The following BABAM2 variants were observed in gnomAD, a reference collection of about 807,000 sequenced individuals.
The protein encoded by BABAM2 is BRISC and BRCA1 A complex member 2, also known as BRISC and BRCA1-A complex member 2.
Under a neutral mutation model 54.7 loss-of-function variants are expected in BABAM2, and 31 were observed. That is an observed-to-expected ratio of 0.57 (90% CI 0.43 to 0.77). The LOEUF is 0.77. Among genes scored for constraint, BABAM2 ranks in the 30% least tolerant of loss-of-function variants. The probability of loss-of-function intolerance (pLI) is 0.00; values close to 1 mark genes in which losing one functional copy is unlikely to be tolerated. For synonymous variants in BABAM2, 167 were observed against 162.9 expected (o/e 1.03, Z -0.19); for missense variants, 364 against 455.8 (o/e 0.80, Z 1.83).
At chr2:27,922,674 T>C (rs1393032573) in intron 2 of BABAM2, among the ~76,000 whole-genome samples, 1 of 152,216 alleles carries the variant, frequency 6.6e-6, no homozygotes, top group Admixed American at 6.5e-5. Flanking sequence ...TCCAAAATCC[T>C]TTCTGTACTC....
At chr2:27,952,682 C>A (rs867261730) in intron 3 of BABAM2, among the ~76,000 whole-genome samples, 1 of 152,172 alleles carries the variant, frequency 6.6e-6, no homozygotes, top group African/African-American at 2.4e-5. Flanking sequence ...ATTATGGGTG[C>A]TCCAAATGTT....
At chr2:28,256,191 G>A (rs979799122) in intron 10 of BABAM2, among the ~76,000 whole-genome samples, 2 of 152,048 alleles carry the variant, frequency 1.3e-5, no homozygotes, top group African/African-American at 2.4e-5. Flanking sequence ...TAGCTTCTTT[G>A]TTAACACATT....
At chr2:28,097,517 T>A (rs759947026) in intron 6 of BABAM2, among the ~76,000 whole-genome samples, 1 of 152,226 alleles carries the variant, frequency 6.6e-6, no homozygotes, top group Non-Finnish European at 1.5e-5. Flanking sequence ...TTCAAGTAAA[T>A]CTGGTTATTG....
intron 2 of BABAM2, among the ~76,000 whole-genome samples, chr2:27,918,748 A>G (rs924853766): frequency 2.0e-5 from 3 of 151,862 alleles, no homozygotes; most frequent in Admixed American, 6.6e-5. Flanking sequence ...GAGAGCAGTG[A>G]TGTGATGATG....
intron 3 of BABAM2, among the ~76,000 whole-genome samples, chr2:27,952,796 T>C (rs912404934): frequency 2.0e-5 from 3 of 152,144 alleles, no homozygotes; most frequent in African/African-American, 7.2e-5. Context: ...GGGGAAACAA[T>C]TGTGTATTGA....
At chr2:28,215,504 C>G (rs749173862) in intron 7 of BABAM2, among the ~76,000 whole-genome samples, 6 of 152,170 alleles carry the variant, frequency 3.9e-5, no homozygotes, top group Non-Finnish European at 8.8e-5. Flanking sequence ...TGGGATGACA[C>G]AGGGTTATAT....
At chr2:27,921,710 C>T (rs1420222320) in intron 2 of BABAM2, among the ~76,000 whole-genome samples, 1 of 152,098 alleles carries the variant, frequency 6.6e-6, no homozygotes, top group Non-Finnish European at 1.5e-5. Context: ...TAGTGCCTGC[C>T]ACATTAGTAA....
At chr2:27,907,532 C>CAT (rs1666272479) in intron 2 of BABAM2, among the ~76,000 whole-genome samples, 1 of 152,172 alleles carries the variant, frequency 6.6e-6, no homozygotes, top group African/African-American at 2.4e-5. Context: ...GTAAAATATA[C>CAT]ATAACATAAA....
rs75315533 is a variant in BABAM2 at position 28,297,642 on chromosome 2, A to C, written c.935-696A>C. ...AAACATATTTAGTGCTCAGAGTAGT[A>C]CCTTATGCGTTCCATTAAGGAACTC... On this transcript the variant is annotated intron_variant, in intron 10 of 11. Coordinates refer to ENST00000379624, the MANE Select transcript of BABAM2 (RefSeq NM_199191.3). Among the ~76,000 whole-genome samples, 1,107 of 152,326 alleles carry C rather than the reference A, an allele frequency of 7.3e-3. 10 individuals are homozygous for C. Among genetic ancestry groups the C allele is most frequent in the African/African-American group, 0.025 (1,049 of 41,568 alleles).
At chr2:28,026,896 A>AT (rs1558667572) in intron 5 of BABAM2, among the ~76,000 whole-genome samples, 2 of 27,118 alleles carry the variant, frequency 7.4e-5, no homozygotes, top group African/African-American at 9.6e-5. Flanking sequence ...AGATATATAT[A>AT]AATATATATA....
At chr2:28,266,206 T>TA (rs1684976712) in intron 10 of BABAM2, among the ~76,000 whole-genome samples, 3 of 152,308 alleles carry the variant, frequency 2.0e-5, no homozygotes, top group African/African-American at 7.2e-5. Context: ...AGGCTGGCCT[T>TA]AAACACCTGA....
intron 7 of BABAM2, among the ~76,000 whole-genome samples, chr2:28,211,472 C>T (rs754226549): frequency 1.4e-4 from 20 of 139,826 alleles, no homozygotes; most frequent in Non-Finnish European, 2.0e-4. Context: ...ACTGCAACTT[C>T]CACCTCCTGG....
intron 6 of BABAM2, among the ~76,000 whole-genome samples, chr2:28,120,676 A>G (rs748465989): frequency 6.6e-6 from 1 of 152,230 alleles, no homozygotes; most frequent in Non-Finnish European, 1.5e-5. Flanking sequence ...CCTAGTAGGA[A>G]GAAGGAGATC....
chr2:28,187,662 ATTTT>A (rs35839748), intron 7 of BABAM2, among the ~76,000 whole-genome samples: 8 of 99,120 alleles, frequency 8.1e-5, no homozygotes, highest in Non-Finnish European at 9.8e-5. Flanking sequence ...GAACTTTGGA[ATTTT>A]TTTTTTTTTT....
chr2:28,150,271 A>G (rs1347516776), intron 7 of BABAM2, among the ~76,000 whole-genome samples: 2 of 152,214 alleles, frequency 1.3e-5, no homozygotes, highest in Admixed American at 6.5e-5. Context: ...GAATATTACA[A>G]TCTAGCCTTC....
intron 6 of BABAM2, among the ~76,000 whole-genome samples, chr2:28,095,846 A>G (rs773917223): frequency 3.9e-5 from 6 of 152,196 alleles, no homozygotes; most frequent in Non-Finnish European, 8.8e-5. Context: ...GAGGTGAAGA[A>G]GAGAACCAAC....
chr2:28,319,915 G>A (rs774788138), intron 11 of BABAM2, among the ~76,000 whole-genome samples: 8 of 152,262 alleles, frequency 5.3e-5, no homozygotes, highest in Non-Finnish European at 8.8e-5. Flanking sequence ...CCTCACTCCC[G>A]AGGCACTGGG....
chr2:28,334,058 G>A (rs1466940700), intron 11 of BABAM2, among the ~76,000 whole-genome samples: 1 of 152,204 alleles, frequency 6.6e-6, no homozygotes, highest in African/African-American at 2.4e-5. Context: ...TCCAAGTTGA[G>A]AGGCACTCGC....
At chr2:28,236,248 A>G (rs1043827843) in intron 7 of BABAM2, among the ~76,000 whole-genome samples, 1 of 151,912 alleles carries the variant, frequency 6.6e-6, no homozygotes, top group Non-Finnish European at 1.5e-5. Context: ...GATGAAGTCA[A>G]GATGAAGGGT....
Sources: allele counts gnomAD v4.1 joint callset (sites outside exome capture counted in the v4.1 genomes callset), GRCh38; gene constraint gnomAD v4.1.1; transcripts MANE v1.5; gene names NCBI Gene and HGNC (gene_info 2026-07-23, HGNC 2026-07-21).